Variants in ANKRD33B observed in about 807,000 individuals in gnomAD.
ANKRD33B encodes the protein ankyrin repeat domain 33B, also known as ankyrin repeat domain-containing protein 33B.
A neutral mutation model predicts 21.5 loss-of-function variants in ANKRD33B; 6 were observed. That is an observed-to-expected ratio of 0.28 (90% CI 0.15 to 0.55). The LOEUF (loss-of-function observed/expected upper bound fraction) is 0.55, where lower values mean the gene tolerates loss of function less well. Among genes scored for constraint, ANKRD33B ranks in the 20% least tolerant of loss-of-function variants. The pLI, the probability that ANKRD33B is intolerant of heterozygous loss-of-function variation, is 0.94. For synonymous variants in ANKRD33B, 347 were observed against 342.4 expected (o/e 1.01, Z -0.15); for missense variants, 698 against 747.2 (o/e 0.93, Z 0.77).
intron 1 of ANKRD33B, among the ~76,000 whole-genome samples, chr5:10,610,205 C>T (rs974322614): frequency 3.9e-5 from 6 of 152,198 alleles, no homozygotes; most frequent in African/African-American, 9.7e-5. Context: ...TTGTTGCAGC[C>T]GCTTTGGAGA....
At chr5:10,633,091 TCTC>T (rs1395091769) in intron 2 of ANKRD33B, among the ~76,000 whole-genome samples, 5 of 138,222 alleles carry the variant, frequency 3.6e-5, no homozygotes, top group Non-Finnish European at 7.7e-5. Flanking sequence ...CCCAGCCAGT[TCTC>T]CTCTTTTTTT....
At chr5:10,578,904 A>G (rs1009828716) in intron 1 of ANKRD33B, among the ~76,000 whole-genome samples, 4 of 152,088 alleles carry the variant, frequency 2.6e-5, no homozygotes, top group Admixed American at 6.6e-5. Context: ...GCTCATGCCT[A>G]TAATCCCCCA....
chr5:10,589,671 G>T (rs1735640876), intron 1 of ANKRD33B, among the ~76,000 whole-genome samples: 1 of 152,114 alleles, frequency 6.6e-6, no homozygotes, highest in Non-Finnish European at 1.5e-5. Context: ...TTATCTTCTT[G>T]AGGTCTAAGG....
intron 1 of ANKRD33B, among the ~76,000 whole-genome samples, chr5:10,565,370 C>T (rs1274768279): frequency 6.6e-6 from 1 of 152,250 alleles, no homozygotes; most frequent in Non-Finnish European, 1.5e-5. Context: ...GCAACAGTTT[C>T]TTCCCTCGCC....
intron 1 of ANKRD33B, among the ~76,000 whole-genome samples, chr5:10,586,616 T>C (rs960350535): frequency 5.3e-5 from 8 of 152,164 alleles, no homozygotes; most frequent in African/African-American, 1.9e-4. Context: ...TTCAGTCTTT[T>C]AGTGCTGAAT....
chr5:10,616,319 C>A (rs1413513425), intron 1 of ANKRD33B, among the ~76,000 whole-genome samples: 1 of 152,082 alleles, frequency 6.6e-6, no homozygotes, highest in Non-Finnish European at 1.5e-5. Context: ...GTAATCCTAG[C>A]ACTTTGGGAG....
At chr5:10,632,816 C>G (rs113041730) in intron 2 of ANKRD33B, among the ~76,000 whole-genome samples, 1 of 152,092 alleles carries the variant, frequency 6.6e-6, no homozygotes, top group Non-Finnish European at 1.5e-5. Flanking sequence ...GAGACAGTGT[C>G]TTGCTCTGTT....
rs1199924678 is a variant in ANKRD33B at position 10,564,568 on chromosome 5, C to T, written c.101C>T (p.Pro34Leu). The T allele has an allele frequency of 4.6e-6, 7 of 1,534,288 alleles. No homozygotes were observed. Among genetic ancestry groups the T allele is most frequent in the African/African-American group, 4.1e-5 (3 of 73,060 alleles). ...CGGGGCGCGCAGGTCGAGGAGGACC[C>T]CGCTGACTACGAAGAGTTTGAGGAC... is the stretch of plus-strand genomic sequence containing the variant. ...PPRGAQVEEDPADYEEFEDFS... is the reference protein window; with the variant it reads ...PPRGAQVEEDLADYEEFEDFS... The change falls in exon 1 of 4, where the codon CCC becomes CTC. Residue 34 changes from proline to leucine, a missense_variant. Around this residue, in one of 3 missense-constraint regions of ANKRD33B, gnomAD observed 148 missense variants for 154.9 expected, o/e 0.96. Coordinates refer to ENST00000296657, the MANE Select transcript of ANKRD33B (RefSeq NM_001164440.2).
chr5:10,607,236 A>G (rs1472037414), intron 1 of ANKRD33B, among the ~76,000 whole-genome samples: 1 of 152,228 alleles, frequency 6.6e-6, no homozygotes, highest in East Asian at 1.9e-4. Context: ...GCTTAAAATA[A>G]CAAAGGTTTG....
rs111522235 is a variant in ANKRD33B, at chr5:10,576,220, A to G, written c.366+11387A>G. 1.3e-3 allele frequency among the ~76,000 whole-genome samples: 191 copies of G among 152,258 alleles called. 2 individuals carry two copies. Among genetic ancestry groups the G allele is most frequent in the African/African-American group, 4.4e-3 (184 of 41,530 alleles). On this transcript the variant is annotated intron_variant, in intron 1 of 3. Transcript: ENST00000296657. This position sits in a 1 kb window ranked among gnomAD's most constrained non-coding sequence, Gnocchi z 4.1. ...TTTTCCTGTAGCCTTGTTTCCATGA[A>G]TCGATTGAATTTTGGACATGAAAGC...
At chr5:10,640,757 C>T (rs951837638) in intron 3 of ANKRD33B, among the ~76,000 whole-genome samples, 1 of 152,242 alleles carries the variant, frequency 6.6e-6, no homozygotes, top group Non-Finnish European at 1.5e-5. Context: ...GCTGCTATAA[C>T]AAAATACCTC....
At chr5:10,583,370 C>T (rs1308651054) in intron 1 of ANKRD33B, among the ~76,000 whole-genome samples, 3 of 152,166 alleles carry the variant, frequency 2.0e-5, no homozygotes, top group Non-Finnish European at 4.4e-5. Context: ...TTTGAAAATT[C>T]TTAAAAATAG....
Position 10,564,707 on chromosome 5 carries a change from G to A in ANKRD33B, c.240G>A (p.Pro80=), listed in dbSNP as rs1662494909. Residue 80 remains proline, a synonymous_variant, in exon 1 of 4, where the codon CCG becomes CCA. Transcript: ENST00000296657. ...ESAESVPEGV[P]ESVPETATLL... ...CGGAGAGCGTCCCGGAGGGCGTCCCGGAAAGCGTCCCGGAGACGGCGACCC... is the reference window on the plus strand; with the variant it reads ...CGGAGAGCGTCCCGGAGGGCGTCCCAGAAAGCGTCCCGGAGACGGCGACCC... 3 of 1,533,680 alleles carry A rather than the reference G, an allele frequency of 2.0e-6. No individual in the cohort carries two copies. The highest frequency in any genetic ancestry group is 2.6e-6 in the Non-Finnish European group (3 of 1,145,812).
rs1487536674 is a variant in ANKRD33B at position 10,656,548 on chromosome 5, G to GA, written c.*6436dup. The stretch of plus-strand genomic sequence containing the variant: ...GGCAGTGTCAGATGGAACCTGCTTT[G>GA]ATGGCGTGTTGTTCAGTGTACTCAG... On this transcript the variant is annotated 3_prime_UTR_variant, in exon 4 of 4. Coordinates refer to ENST00000296657, the MANE Select transcript of ANKRD33B (RefSeq NM_001164440.2). 1 of 152,400 alleles carries GA rather than the reference G, an allele frequency of 6.6e-6. No individual in the cohort carries two copies. The highest frequency in any genetic ancestry group is 2.4e-5 in the African/African-American group (1 of 41,464). 9.4% of individuals were successfully genotyped at this position (152,400 alleles called of 1,614,324 possible).
At chr5:10,629,883 T>C (rs575024861) in intron 2 of ANKRD33B, among the ~76,000 whole-genome samples, 1 of 152,256 alleles carries the variant, frequency 6.6e-6, no homozygotes, top group African/African-American at 2.4e-5. Flanking sequence ...AGATGTTGAA[T>C]GTGATGAGAA....
intron 1 of ANKRD33B, among the ~76,000 whole-genome samples, chr5:10,604,037 G>T (rs938256668): frequency 3.3e-5 from 5 of 151,612 alleles, no homozygotes; most frequent in Admixed American, 6.6e-5. Flanking sequence ...TGCAATTACA[G>T]GTGCCTGCCA....
chr5:10,657,297 T>C lies in ANKRD33B; in HGVS notation c.*7184T>C, dbSNP rs1037368391. 4.5e-4 allele frequency: 69 copies of C among 152,386 alleles called. No individual in the cohort carries two copies. The highest frequency in any genetic ancestry group is 1.6e-3 in the African/African-American group (66 of 41,478). The allele number at this position is 152,386 out of a possible 1,614,324, so 9.4% of individuals were successfully genotyped here. A position where few individuals can be genotyped will look rare whatever the true frequency, so the allele number is the denominator to read the frequency against. On this transcript the variant is annotated 3_prime_UTR_variant, in exon 4 of 4. Transcript: ENST00000296657. ...CTTTGTTCTGCCCGACATTTGGGGG[T>C]GTCCAAGGACCTGTGTTTTTAACAA...
At chr5:10,594,253 G>A (rs1166060236) in intron 1 of ANKRD33B, among the ~76,000 whole-genome samples, 5 of 136,736 alleles carry the variant, frequency 3.7e-5, no homozygotes, top group Non-Finnish European at 7.6e-5. Flanking sequence ...TTGAGACAGG[G>A]TTTCTTGCTC....
In ANKRD33B at chr5:10,649,752, A is replaced by G. The variant is rs996240906; in HGVS notation, c.1124A>G (p.Asp375Gly). The change falls in exon 4 of 4, where the codon GAC (aspartate) becomes GGC (glycine). Residue 375 changes from aspartate to glycine, a missense_variant. Around this residue, in one of 3 missense-constraint regions of ANKRD33B, gnomAD observed 543 missense variants for 566.5 expected, o/e 0.96. Coordinates refer to ENST00000296657, the MANE Select transcript of ANKRD33B (RefSeq NM_001164440.2). Reference sequence around the variant, plus strand: ...CAGCGCGGGCGGACCGGACAGGAGGACGCGGACTCCCGGGAGGGCTCCCCG... The same window carrying G: ...CAGCGCGGGCGGACCGGACAGGAGGGCGCGGACTCCCGGGAGGGCTCCCCG... ...AGQRGRTGQEDADSREGSPRA... is the reference protein window; with the variant it reads ...AGQRGRTGQEGADSREGSPRA... 1.2e-4 allele frequency: 176 copies of G among 1,446,800 alleles called. No individual in the cohort carries two copies. The highest frequency in any genetic ancestry group is 1.5e-4 in the Non-Finnish European group (161 of 1,105,082). The allele number at this position is 1,446,800 out of a possible 1,614,324, so 89.6% of individuals were successfully genotyped here.
Sources: allele counts gnomAD v4.1 joint callset (sites outside exome capture counted in the v4.1 genomes callset), GRCh38; gene constraint gnomAD v4.1.1; regional missense constraint gnomAD v4.1.1; non-coding constraint Gnocchi (gnomAD v3.1); transcripts MANE v1.5; gene names NCBI Gene and HGNC (gene_info 2026-07-23, HGNC 2026-07-21).